TBC1D19: variants seen among roughly 807,000 people sequenced by gnomAD.
The protein encoded by TBC1D19 is TBC1 domain family member 19.
TBC1D19 carries 60 observed loss-of-function variants against 89.0 expected under a neutral mutation model. That is an observed-to-expected ratio of 0.67 (90% CI 0.55 to 0.84). The LOEUF (loss-of-function observed/expected upper bound fraction) is 0.84, where lower values mean the gene tolerates loss of function less well. TBC1D19 is among the 40% of genes least tolerant of loss of function. The pLI is 0.00. For synonymous variants in TBC1D19, 189 were observed against 199.7 expected, an observed-to-expected ratio of 0.95 and a Z score of 0.45; for missense variants, 500 against 610.8, an observed-to-expected ratio of 0.82 and a Z score of 1.91.
intron 4 of TBC1D19, among the ~76,000 whole-genome samples, chr4:26,624,498 C>CT (rs1742264531): frequency 6.6e-6 from 1 of 152,140 alleles, no homozygotes; most frequent in African/African-American, 2.4e-5. Flanking sequence ...GCGTGAGCCA[C>CT]TATGCCCGGC....
the TBC1D19 span, among the ~76,000 whole-genome samples, chr4:26,782,844 C>T: frequency 6.6e-6 from 1 of 150,886 alleles, no homozygotes; most frequent in Non-Finnish European, 1.5e-5. Context: ...AAAAAAAAAC[C>T]AGCTTGCTCA....
At chr4:26,737,813 CTT>C (rs1560505763) in intron 16 of TBC1D19, among the ~76,000 whole-genome samples, 1 of 151,984 alleles carries the variant, frequency 6.6e-6, no homozygotes, top group Non-Finnish European at 1.5e-5. Context: ...ATACTTATCT[CTT>C]TTAAACATTG....
intron 15 of TBC1D19, among the ~76,000 whole-genome samples, chr4:26,732,463 A>G (rs1297911341): frequency 6.6e-6 from 1 of 152,146 alleles, no homozygotes; most frequent in Non-Finnish European, 1.5e-5. Flanking sequence ...TCCCTAATCA[A>G]ATGGCAGCTA....
intron 1 of TBC1D19, among the ~76,000 whole-genome samples, chr4:26,609,774 G>T (rs978425506): frequency 6.6e-6 from 1 of 152,074 alleles, no homozygotes; most frequent in Non-Finnish European, 1.5e-5. Context: ...AATGCTGGAA[G>T]ATAGATTGGA....
At chr4:26,727,049 C>A (rs1157457274) in intron 15 of TBC1D19, among the ~76,000 whole-genome samples, 1 of 152,098 alleles carries the variant, frequency 6.6e-6, no homozygotes, top group African/African-American at 2.4e-5. Context: ...AGGCTAGAAT[C>A]TGAAAATAAT....
intron 15 of TBC1D19, among the ~76,000 whole-genome samples, chr4:26,729,424 TAAAC>T (rs1717519069): frequency 6.6e-6 from 1 of 152,220 alleles, no homozygotes; most frequent in Admixed American, 6.5e-5. Context: ...AACAACCTGT[TAAAC>T]AGCTAATTAT....
At chr4:26,837,158 G>C in the TBC1D19 span, among the ~76,000 whole-genome samples, 1 of 152,116 alleles carries the variant, frequency 6.6e-6, no homozygotes, top group Admixed American at 6.5e-5. Context: ...AGAGTGGCAA[G>C]TCACTAAACC....
At chr4:26,841,195 G>A in the TBC1D19 span, among the ~76,000 whole-genome samples, 1 of 152,082 alleles carries the variant, frequency 6.6e-6, no homozygotes, top group Non-Finnish European at 1.5e-5. Flanking sequence ...TGGCCAACAT[G>A]GAGAAACCAA....
At position 26,726,759 on chromosome 4, in the gene TBC1D19, CAGAT is replaced by C. The variant is rs370007649; in HGVS notation, c.1084+6637_1084+6640del. Among the ~76,000 whole-genome samples, 1,303 of 152,180 alleles carry C rather than the reference CAGAT, an allele frequency of 8.6e-3. 15 individuals are homozygous for C. The highest frequency in any genetic ancestry group is 0.029 in the African/African-American group (1,201 of 41,506). On this transcript the variant is annotated intron_variant, in intron 15 of 20. Transcript: ENST00000264866. Reference sequence around the variant, plus strand: ...CAGCTGGAGTGAAGTTGAAGTGAATCAGATAGGCGAGTTACGGTACAATGATAAA... The same window carrying C: ...CAGCTGGAGTGAAGTTGAAGTGAATCAGGCGAGTTACGGTACAATGATAAA...
chr4:26,609,006 A>T (rs924017982), intron 1 of TBC1D19, among the ~76,000 whole-genome samples: 2 of 136,972 alleles, frequency 1.5e-5, no homozygotes, highest in Non-Finnish European at 3.1e-5. Flanking sequence ...AACAATGAGA[A>T]CACATGGACA....
chr4:26,777,680 G>A, the TBC1D19 span, among the ~76,000 whole-genome samples: 5 of 151,454 alleles, frequency 3.3e-5, no homozygotes, highest in African/African-American at 7.3e-5. Flanking sequence ...AACTCCTGGC[G>A]TCAAGTGATC....
At chr4:26,614,360 C>T (rs260954) in intron 2 of TBC1D19, 48 bp from the exon 3 acceptor site, 1,284,607 of 1,319,670 alleles carry the variant, frequency 0.97, 630,126 homozygotes, top group Non-Finnish European at 1. Flanking sequence ...TGTATGTTTA[C>T]TTAAAAACTA....
chr4:26,848,181 A>G, the TBC1D19 span, among the ~76,000 whole-genome samples: 1 of 152,346 alleles, frequency 6.6e-6, no homozygotes, highest in East Asian at 1.9e-4. Flanking sequence ...ATGGCTGGGC[A>G]TCACCCAATC....
intron 18 of TBC1D19, among the ~76,000 whole-genome samples, chr4:26,748,139 A>C (rs1476027819): frequency 6.6e-6 from 1 of 152,222 alleles, no homozygotes; most frequent in Admixed American, 6.5e-5. Context: ...TGAAAAACAG[A>C]ATGTAGAAAT....
At chr4:26,788,188 G>A in the TBC1D19 span, among the ~76,000 whole-genome samples, 1 of 152,080 alleles carries the variant, frequency 6.6e-6, no homozygotes, top group East Asian at 1.9e-4. Flanking sequence ...TTCAGGGGAG[G>A]GGCTGTGCTT....
At chr4:26,666,184 G>T in intron 8 of TBC1D19, 149 bp from the exon 9 acceptor site, 2 of 534,500 alleles carry the variant, frequency 3.7e-6, no homozygotes, top group Non-Finnish European at 3.2e-6. Context: ...TGTTTAATAT[G>T]TCCTTTTCTT....
At chr4:26,851,682 A>C in the TBC1D19 span, among the ~76,000 whole-genome samples, 1 of 152,206 alleles carries the variant, frequency 6.6e-6, no homozygotes, top group East Asian at 1.9e-4. Context: ...AGTGATGTCT[A>C]TAAATGTGTA....
chr4:26,703,726 G>C (rs950440503), intron 13 of TBC1D19, among the ~76,000 whole-genome samples: 2 of 151,760 alleles, frequency 1.3e-5, no homozygotes, highest in Non-Finnish European at 2.9e-5. Context: ...GGCCAAGGCG[G>C]GTGGATCACG....
upstream of TBC1D19, among the ~76,000 whole-genome samples, chr4:26,579,738 T>A (rs1248330668): frequency 6.6e-6 from 1 of 150,624 alleles, no homozygotes; most frequent in Non-Finnish European, 1.5e-5. Context: ...CAACTCCCGC[T>A]TATGAGTAAG....
Sources: allele counts gnomAD v4.1 joint callset (sites outside exome capture counted in the v4.1 genomes callset), GRCh38; gene constraint gnomAD v4.1.1; transcripts MANE v1.5; gene names NCBI Gene and HGNC (gene_info 2026-07-23, HGNC 2026-07-21).